The following RABL3 variants were observed in gnomAD, a reference collection of about 807,000 sequenced individuals.
The protein encoded by RABL3 is rab-like protein 3.
In RABL3, 31 loss-of-function variants were observed where a neutral mutation model predicts 31.8. The ratio of observed to expected loss-of-function variants is 0.97; its 90% CI spans 0.73 to 1.31. The LOEUF (loss-of-function observed/expected upper bound fraction) is 1.31, where lower values mean the gene tolerates loss of function less well. Ranked by LOEUF, RABL3 falls within the 40% of genes most tolerant of loss-of-function variation. RABL3 has a pLI of 0.00. For synonymous variants in RABL3, 97 were observed against 99.9 expected (o/e 0.97, Z 0.18); for missense variants, 263 against 279.6 (o/e 0.94, Z 0.42).
chr3:120,714,984 G>C (rs1708651602), intron 2 of RABL3, among the ~76,000 whole-genome samples: 1 of 152,092 alleles, frequency 6.6e-6, no homozygotes, highest in Non-Finnish European at 1.5e-5. Flanking sequence ...TTGAGCTTCA[G>C]CATTTCATTT....
chr3:120,734,639 C>T (rs1708932145), intron 1 of RABL3, among the ~76,000 whole-genome samples: 1 of 152,180 alleles, frequency 6.6e-6, no homozygotes, highest in Non-Finnish European at 1.5e-5. Flanking sequence ...AAAGTGAATG[C>T]TTCCAGTTTT....
intron 4 of RABL3, 81 bp downstream of exon 4, chr3:120,705,919 A>T: frequency 1.2e-6 from 1 of 862,386 alleles, no homozygotes; most frequent in Non-Finnish European, 2.0e-6. Flanking sequence ...TTGCAAATCA[A>T]ACATTTTACA....
At position 120,732,877 on chromosome 3, in the gene RABL3, G is replaced by A. The variant is rs571386215; in HGVS notation, c.47-2090C>T. 1.5e-4 allele frequency among the ~76,000 whole-genome samples: 23 copies of A among 152,174 alleles called. No homozygotes were observed. In the East Asian group the frequency reaches 3.7e-3, roughly 24 times the overall value. On this transcript the variant is annotated intron_variant, in intron 1 of 7. Transcript: ENST00000273375. ...GGTTTCCAGCTTCATCCATGTCCCT[G>A]CAAAGGACATGAACTCATCATTTTT...
chr3:120,723,422 G>GA (rs1442580561), intron 2 of RABL3, among the ~76,000 whole-genome samples: 3 of 152,188 alleles, frequency 2.0e-5, no homozygotes, highest in African/African-American at 7.2e-5. Flanking sequence ...AATAGAAAAA[G>GA]GGGGAATCCT....
In RABL3 at chr3:120,688,491, A is replaced by G. The variant is rs1708340613; in HGVS notation, c.*1332T>C. On this transcript the variant is annotated 3_prime_UTR_variant, in exon 8 of 8. Coordinates refer to ENST00000273375, the MANE Select transcript of RABL3 (RefSeq NM_173825.5). ...CATTCTTATTTTAATATCCTCTTGC[A>G]GCATACCTTGATTTCCAAGATACTT... 6.6e-6 allele frequency: 1 copy of G among 152,288 alleles called. No homozygotes were observed. Among genetic ancestry groups the G allele is most frequent in the African/African-American group, 2.4e-5 (1 of 41,452 alleles). 9.4% of individuals were successfully genotyped at this position (152,288 alleles called of 1,614,324 possible).
chr3:120,690,686 C>A (rs1289592024), intron 6 of RABL3, among the ~76,000 whole-genome samples, 199 bp from the exon 7 acceptor site: 1 of 152,102 alleles, frequency 6.6e-6, no homozygotes, highest in African/African-American at 2.4e-5. Flanking sequence ...AAGCCTGCCT[C>A]ATTCCAAAAC....
intron 4 of RABL3, 147 bp from the exon 5 acceptor site, chr3:120,698,720 T>C: frequency 1.5e-6 from 1 of 672,396 alleles, no homozygotes; most frequent in East Asian, 2.6e-5. Context: ...CCTTCCAACT[T>C]CTTCCATCTA....
chr3:120,715,871 T>C (rs551566771), intron 2 of RABL3, among the ~76,000 whole-genome samples: 3 of 152,172 alleles, frequency 2.0e-5, no homozygotes, highest in Non-Finnish European at 2.9e-5. Context: ...GGACAAGTCA[T>C]GTAGTGCCTC....
At chr3:120,722,276 C>T (rs1202645478) in intron 2 of RABL3, 2 of 152,116 alleles carry the variant, frequency 1.3e-5, no homozygotes, top group African/African-American at 2.4e-5. Flanking sequence ...CTGCCCTCCA[C>T]CCTACCATAC....
chr3:120,730,259 A>C (rs146977805), intron 2 of RABL3, among the ~76,000 whole-genome samples: 93 of 152,352 alleles, frequency 6.1e-4, no homozygotes, highest in African/African-American at 2.1e-3. Context: ...ATTTAATTAA[A>C]ACTATACCTA....
At chr3:120,741,922 G>A (rs1709048350) in intron 1 of RABL3, among the ~76,000 whole-genome samples, 2 of 152,116 alleles carry the variant, frequency 1.3e-5, no homozygotes, top group Non-Finnish European at 2.9e-5. Flanking sequence ...GCGTTCAAAA[G>A]GATTCTGTCA....
At chr3:120,709,939 T>C in intron 2 of RABL3, 30 bp from the exon 3 acceptor site, 4 of 1,540,162 alleles carry the variant, frequency 2.6e-6, no homozygotes, top group Non-Finnish European at 3.5e-6. Context: ...AAATAATTAA[T>C]ATAGCCACTA....
At chr3:120,736,577 G>C (rs1708968606) in intron 1 of RABL3, among the ~76,000 whole-genome samples, 1 of 152,182 alleles carries the variant, frequency 6.6e-6, no homozygotes, top group South Asian at 2.1e-4. Flanking sequence ...CTGTCATCAT[G>C]ATGTTAGCTG....
intron 6 of RABL3, among the ~76,000 whole-genome samples, chr3:120,692,197 T>C (rs1302604775): frequency 7.3e-6 from 1 of 137,580 alleles, no homozygotes; most frequent in Non-Finnish European, 1.7e-5. Flanking sequence ...GGAGAAGAAA[T>C]CTTTTTTTTT....
At chr3:120,713,210 G>A (rs1176504523) in intron 2 of RABL3, among the ~76,000 whole-genome samples, 1 of 152,172 alleles carries the variant, frequency 6.6e-6, no homozygotes, top group Non-Finnish European at 1.5e-5. Context: ...AAGCCAGACT[G>A]ACTCACTCAT....
At chr3:120,700,606 G>T (rs986447006) in intron 4 of RABL3, among the ~76,000 whole-genome samples, 2 of 151,920 alleles carry the variant, frequency 1.3e-5, no homozygotes, top group African/African-American at 4.8e-5. Context: ...ATAATATTTG[G>T]TTATTAAAGA....
intron 2 of RABL3, among the ~76,000 whole-genome samples, chr3:120,727,166 A>G (rs1181227506): frequency 6.6e-6 from 1 of 152,210 alleles, no homozygotes; most frequent in Non-Finnish European, 1.5e-5. Flanking sequence ...TAAAGATAAG[A>G]GCAGAAACTA....
In RABL3 at chr3:120,688,184, T is replaced by C. The variant is rs1282880186; in HGVS notation, c.*1639A>G. 2 of 152,656 alleles carry C rather than the reference T, an allele frequency of 1.3e-5. No homozygotes were observed. Among genetic ancestry groups the C allele is most frequent in the Non-Finnish European group, 2.9e-5 (2 of 68,034 alleles). The allele number at this position is 152,656 out of a possible 1,614,324, so 9.5% of individuals were successfully genotyped here. A position where few individuals can be genotyped will look rare whatever the true frequency, so the allele number is the denominator to read the frequency against. ...GAGGAAGAAAGAAGGAAGGAAGATT[T>C]ATTTCTTGAAGGAGAAATACAAAGA... On this transcript the variant is annotated 3_prime_UTR_variant, in exon 8 of 8. Transcript: ENST00000273375.
chr3:120,689,070 T>A lies in RABL3; in HGVS notation c.*753A>T, dbSNP rs1708349022. Reference sequence around the variant, plus strand: ...GGTCTTAGATTTTACCCTACCTATTTCCAAACAGAAAACCTAGACTGTATA... The same window carrying A: ...GGTCTTAGATTTTACCCTACCTATTACCAAACAGAAAACCTAGACTGTATA... On this transcript the variant is annotated 3_prime_UTR_variant, in exon 8 of 8. Coordinates refer to ENST00000273375, the MANE Select transcript of RABL3 (RefSeq NM_173825.5). 2 of 152,172 alleles carry A rather than the reference T, an allele frequency of 1.3e-5. No homozygotes were observed. The highest frequency in any genetic ancestry group is 1.3e-4 in the Admixed American group (2 of 15,278). The allele number at this position is 152,172 out of a possible 1,614,324, so 9.4% of individuals were successfully genotyped here.
Sources: allele counts gnomAD v4.1 joint callset (sites outside exome capture counted in the v4.1 genomes callset), GRCh38; gene constraint gnomAD v4.1.1; transcripts MANE v1.5; gene names NCBI Gene and HGNC (gene_info 2026-07-23, HGNC 2026-07-21).